DCUN1D1: variants seen among roughly 807,000 people sequenced by gnomAD.
DCUN1D1 encodes DCN1-like protein 1.
A neutral mutation model predicts 39.0 loss-of-function variants in DCUN1D1; 3 were observed. The observed-to-expected ratio is 0.08, with a 90% CI of 0.04 to 0.20. The LOEUF (loss-of-function observed/expected upper bound fraction) is 0.20, where lower values mean the gene tolerates loss of function less well. DCUN1D1 is among the 10% of genes least tolerant of loss of function. DCUN1D1 has a pLI of 1.00. For synonymous variants in DCUN1D1, 82 were observed against 96.3 expected, an observed-to-expected ratio of 0.85 and a Z score of 0.87; for missense variants, 158 against 302.4, an observed-to-expected ratio of 0.52 and a Z score of 3.54.
At chr3:182,970,928 T>C (rs989393620) in intron 1 of DCUN1D1, among the ~76,000 whole-genome samples, 1 of 152,206 alleles carries the variant, frequency 6.6e-6, no homozygotes, top group Non-Finnish European at 1.5e-5. Context: ...CCAATGAGCC[T>C]ACCTACAACT....
intron 4 of DCUN1D1, among the ~76,000 whole-genome samples, chr3:182,949,121 G>A (rs1422886344): frequency 1.3e-5 from 2 of 151,646 alleles, no homozygotes; most frequent in African/African-American, 4.8e-5. Context: ...AGCACTTTGG[G>A]AGGCCGAGGC....
At chr3:182,965,421 C>CCT in intron 2 of DCUN1D1, 116 bp downstream of exon 2, 1 of 577,150 alleles carries the variant, frequency 1.7e-6, no homozygotes, top group Non-Finnish European at 3.0e-6. Context: ...GATCTACAGA[C>CCT]CTCTATTGGA....
intron 1 of DCUN1D1, among the ~76,000 whole-genome samples, chr3:182,973,478 T>C (rs1261482375): frequency 6.6e-6 from 1 of 152,202 alleles, no homozygotes; most frequent in South Asian, 2.1e-4. Flanking sequence ...ACGTAATTAT[T>C]GTGCACAATG....
chr3:182,963,784 G>A lies in DCUN1D1; in HGVS notation c.389+97C>T, dbSNP rs1727522589. On this transcript the variant is annotated intron_variant, in intron 3 of 6. Coordinates refer to ENST00000292782, the MANE Select transcript of DCUN1D1 (RefSeq NM_020640.4). ...CCCATTTCTATTTATACCAATGTTT[G>A]TGGGCCAGCAAATCTTTAAATTTAC... The A allele has an allele frequency of 3.8e-6, 4 of 1,063,438 alleles. No individual in the cohort carries two copies. The South Asian group carries it at 7.3e-5, about 19-fold the overall frequency. 65.9% of individuals were successfully genotyped at this position (1,063,438 alleles called of 1,614,324 possible).
At chr3:182,974,937 T>C (rs992396159) in intron 1 of DCUN1D1, among the ~76,000 whole-genome samples, 5 of 152,146 alleles carry the variant, frequency 3.3e-5, no homozygotes, top group African/African-American at 4.8e-5. Flanking sequence ...AAAGTGGCTA[T>C]ATAAATTAGT....
At chr3:182,960,601 T>C (rs1237881572) in intron 4 of DCUN1D1, among the ~76,000 whole-genome samples, 1 of 152,226 alleles carries the variant, frequency 6.6e-6, no homozygotes, top group African/African-American at 2.4e-5. Flanking sequence ...TTACATACTT[T>C]TATTATTTTG....
intron 4 of DCUN1D1, among the ~76,000 whole-genome samples, chr3:182,957,141 A>C (rs981861377): frequency 6.6e-6 from 1 of 152,256 alleles, no homozygotes; most frequent in African/African-American, 2.4e-5. Flanking sequence ...TTAATAAGGA[A>C]GAACTGTGTA....
At position 182,955,343 on chromosome 3, in the gene DCUN1D1, AT is replaced by A. The variant is rs543478703; in HGVS notation, c.520+5882del. 106 of 544,098 alleles carry A rather than the reference AT, an allele frequency of 1.9e-4. No individual in the cohort carries two copies. In the African/African-American group the frequency reaches 2.0e-3, roughly 10 times the overall value. The allele number at this position is 544,098 out of a possible 1,614,324, so 33.7% of individuals were successfully genotyped here. On this transcript the variant is annotated intron_variant, in intron 4 of 6. Coordinates refer to ENST00000292782, the MANE Select transcript of DCUN1D1 (RefSeq NM_020640.4). ...AGCTTCTTCTATGGTTGGAACTTAG[AT>A]TATTTTCAATATTCTCTGTTTTTCC...
upstream of DCUN1D1, among the ~76,000 whole-genome samples, chr3:182,982,560 G>A (rs1021345596): frequency 1.3e-5 from 2 of 152,016 alleles, no homozygotes; most frequent in African/African-American, 4.8e-5. Context: ...CCCTTACTCC[G>A]CATCTCACCA....
At chr3:182,984,436 TG>T (rs1274799618), upstream of DCUN1D1, among the ~76,000 whole-genome samples, 1 of 152,212 alleles carries the variant, frequency 6.6e-6, no homozygotes, top group Non-Finnish European at 1.5e-5. Flanking sequence ...TTACTTTTTT[TG>T]TCATGTTTCA....
chr3:182,972,184 GCTATAAT>G (rs1469039752), intron 1 of DCUN1D1, among the ~76,000 whole-genome samples: 1 of 150,008 alleles, frequency 6.7e-6, no homozygotes, highest in Non-Finnish European at 1.5e-5. Context: ...AAAACAGATG[GCTATAAT>G]CTATAGTTTT....
chr3:182,968,064 G>A (rs1057046825), intron 1 of DCUN1D1, among the ~76,000 whole-genome samples: 3 of 152,056 alleles, frequency 2.0e-5, no homozygotes, highest in African/African-American at 4.8e-5. Flanking sequence ...CCATATCCTG[G>A]AAATTACGTA....
At chr3:182,976,444 T>TACACACACACACACACACACAC (rs59465164) in intron 1 of DCUN1D1, among the ~76,000 whole-genome samples, 1 of 140,684 alleles carries the variant, frequency 7.1e-6, no homozygotes, top group African/African-American at 2.7e-5. Flanking sequence ...TATACATACA[T>TACACACACACACACACACACAC]ACACACACAC....
At chr3:182,970,446 A>G (rs142339008) in intron 1 of DCUN1D1, among the ~76,000 whole-genome samples, 3 of 152,334 alleles carry the variant, frequency 2.0e-5, no homozygotes, top group Admixed American at 1.3e-4. Flanking sequence ...AGTAATTTTA[A>G]TAAGTGATTT....
rs752339284 is a variant in DCUN1D1, at chr3:182,942,087, T to G, written c.*3007A>C. 2.0e-5 allele frequency: 3 copies of G among 152,142 alleles called. No individual in the cohort carries two copies. Among genetic ancestry groups the G allele is most frequent in the Non-Finnish European group, 4.4e-5 (3 of 67,976 alleles). 9.4% of individuals were successfully genotyped at this position (152,142 alleles called of 1,614,324 possible). A position where few individuals can be genotyped will look rare whatever the true frequency, so the allele number is the denominator to read the frequency against. ...TACGTAAAGGATTTCTCATGTTATT[T>G]TGTTGAGTAAATTTACTTTCTCTCA... On this transcript the variant is annotated 3_prime_UTR_variant, in exon 7 of 7. Transcript: ENST00000292782.
At chr3:182,948,321 G>T (rs1443503674) in intron 4 of DCUN1D1, among the ~76,000 whole-genome samples, 1 of 152,186 alleles carries the variant, frequency 6.6e-6, no homozygotes, top group Non-Finnish European at 1.5e-5. Context: ...CTTAAAGTTT[G>T]CCAAAGACAA....
intron 1 of DCUN1D1, among the ~76,000 whole-genome samples, chr3:182,978,279 A>G (rs1334043810): frequency 2.0e-5 from 3 of 152,216 alleles, no homozygotes; most frequent in African/African-American, 7.2e-5. Flanking sequence ...CCGAAACTGC[A>G]TAAAGAAACA....
At chr3:182,951,661 A>C (rs1285865732) in intron 4 of DCUN1D1, among the ~76,000 whole-genome samples, 4 of 148,732 alleles carry the variant, frequency 2.7e-5, no homozygotes, top group Admixed American at 2.7e-4. Context: ...CACACACAAA[A>C]GAAAGAAAGT....
chr3:182,974,579 C>T (rs551547580), intron 1 of DCUN1D1, among the ~76,000 whole-genome samples: 1 of 151,514 alleles, frequency 6.6e-6, no homozygotes, highest in Non-Finnish European at 1.5e-5. Context: ...AATAAATGAT[C>T]CTTGAAAAAT....
Sources: allele counts gnomAD v4.1 joint callset (sites outside exome capture counted in the v4.1 genomes callset), GRCh38; gene constraint gnomAD v4.1.1; transcripts MANE v1.5; gene names NCBI Gene and HGNC (gene_info 2026-07-23, HGNC 2026-07-21).